The following GTF2IRD1 variants were observed in gnomAD, a reference collection of about 807,000 sequenced individuals.
GTF2IRD1 encodes GTF2I repeat domain containing 1.
In GTF2IRD1, 26 loss-of-function variants were observed where a neutral mutation model predicts 113.2. The observed-to-expected ratio is 0.23, with a 90% CI of 0.17 to 0.32. The LOEUF is 0.32. GTF2IRD1 is among the 10% of genes least tolerant of loss of function. The pLI, the probability that GTF2IRD1 is intolerant of heterozygous loss-of-function variation, is 1.00. For missense variants in GTF2IRD1, 864 were observed against 1,280.8 expected (o/e 0.67, Z 4.97); for synonymous variants, 484 against 529.1 (o/e 0.91, Z 1.17).
chr7:74,533,463 G>C (rs895589993), intron 9 of GTF2IRD1, among the ~76,000 whole-genome samples: 2 of 152,076 alleles, frequency 1.3e-5, no homozygotes, highest in Non-Finnish European at 2.9e-5. Context: ...TGGATGACTT[G>C]GGTCCCTAAA....
At chr7:74,470,934 G>A (rs1300927675) in intron 1 of GTF2IRD1, among the ~76,000 whole-genome samples, 2 of 152,140 alleles carry the variant, frequency 1.3e-5, no homozygotes, top group African/African-American at 4.8e-5. Context: ...CTCCCAAGTA[G>A]CTGGGACAAC....
At chr7:74,588,466 C>G (rs1267574637) in intron 22 of GTF2IRD1, among the ~76,000 whole-genome samples, 1 of 152,034 alleles carries the variant, frequency 6.6e-6, no homozygotes, top group Admixed American at 6.6e-5. Context: ...GTCCTGGTGG[C>G]TTCCCACTGC....
At chr7:74,491,847 A>G (rs1487711381) in intron 1 of GTF2IRD1, among the ~76,000 whole-genome samples, 3 of 152,296 alleles carry the variant, frequency 2.0e-5, no homozygotes, top group East Asian at 3.9e-4. Flanking sequence ...TATACCCAGT[A>G]AGGGATTGCC....
intron 17 of GTF2IRD1, among the ~76,000 whole-genome samples, chr7:74,554,104 T>C (rs1799468112): frequency 6.6e-6 from 1 of 151,988 alleles, no homozygotes; most frequent in African/African-American, 2.4e-5. Context: ...CTCCTCGGAG[T>C]TGCTGCTTGA....
At chr7:74,473,438 T>G (rs1429657693) in intron 1 of GTF2IRD1, among the ~76,000 whole-genome samples, 4 of 151,948 alleles carry the variant, frequency 2.6e-5, no homozygotes, top group Non-Finnish European at 5.9e-5. Flanking sequence ...CTTTTTTTTT[T>G]TTTTGAGAGA....
At chr7:74,478,145 G>A (rs1188330318) in intron 1 of GTF2IRD1, among the ~76,000 whole-genome samples, 21 of 152,204 alleles carry the variant, frequency 1.4e-4, no homozygotes, top group African/African-American at 4.8e-4. Context: ...CGGGTTCCCT[G>A]ACCCCTAGCT....
intron 11 of GTF2IRD1, among the ~76,000 whole-genome samples, chr7:74,536,762 C>T (rs1284988089): frequency 6.6e-6 from 1 of 151,630 alleles, no homozygotes; most frequent in African/African-American, 2.4e-5. Flanking sequence ...GCTGAGATTG[C>T]ACTACTGTAC....
intron 1 of GTF2IRD1, among the ~76,000 whole-genome samples, chr7:74,482,693 C>T (rs768792391): frequency 1.4e-4 from 22 of 152,270 alleles, no homozygotes; most frequent in Middle Eastern, 3.4e-3. Flanking sequence ...TGACCCACCA[C>T]GATAACCGCC....
At chr7:74,508,244 G>A in intron 2 of GTF2IRD1, 41 bp downstream of exon 2, 1 of 1,587,118 alleles carries the variant, frequency 6.3e-7, no homozygotes, top group Non-Finnish European at 8.6e-7. Flanking sequence ...GACAGGGTGA[G>A]CGTCCCCACC....
chr7:74,498,751 T>G (rs539883193), intron 1 of GTF2IRD1, among the ~76,000 whole-genome samples: 2 of 150,622 alleles, frequency 1.3e-5, no homozygotes, highest in East Asian at 3.9e-4. Flanking sequence ...TTAAATAAGA[T>G]GGACTCTCAC....
chr7:74,524,223 A>C (rs777715613), intron 8 of GTF2IRD1, 69 bp downstream of exon 8: 2 of 1,024,048 alleles, frequency 2.0e-6, no homozygotes, highest in African/African-American at 1.6e-5. Context: ...CGTGGCAATC[A>C]CTCGTGTTCC....
At chr7:74,548,387 A>C (rs192759462) in intron 17 of GTF2IRD1, among the ~76,000 whole-genome samples, 1 of 151,200 alleles carries the variant, frequency 6.6e-6, no homozygotes, top group Non-Finnish European at 1.5e-5. Flanking sequence ...GTGCCACTGC[A>C]CTCCAGTCTG....
chr7:74,487,136 C>T (rs781993448), intron 1 of GTF2IRD1, among the ~76,000 whole-genome samples: 2 of 152,170 alleles, frequency 1.3e-5, no homozygotes, highest in Non-Finnish European at 2.9e-5. Context: ...CTCCCAGGTT[C>T]ACATGATTCT....
chr7:74,541,033 G>A (rs1323089228), intron 14 of GTF2IRD1, among the ~76,000 whole-genome samples: 1 of 151,530 alleles, frequency 6.6e-6, no homozygotes, highest in Non-Finnish European at 1.5e-5. Flanking sequence ...CAAAGTGCTG[G>A]GATTACAGGC....
Position 74,578,335 on chromosome 7 carries a change from G to A in GTF2IRD1, c.2321-11516G>A, listed in dbSNP as rs1485578012. Among the ~76,000 whole-genome samples the A allele has an allele frequency of 5.9e-5, 9 of 152,074 alleles. No individual in the cohort carries two copies. In the East Asian group the frequency reaches 9.7e-4, roughly 16 times the overall value. On this transcript the variant is annotated intron_variant, in intron 22 of 26. Transcript: ENST00000424337. The stretch of plus-strand genomic sequence containing the variant: ...CGAGTAGCTGGGACTATAGGTGCCC[G>A]CCACCACGCCCAGCTAATTTTTTGT...
At chr7:74,510,683 C>G (rs1796574212) in intron 2 of GTF2IRD1, among the ~76,000 whole-genome samples, 1 of 152,140 alleles carries the variant, frequency 6.6e-6, no homozygotes, top group East Asian at 1.9e-4. Flanking sequence ...TTTACGTGCT[C>G]AGTAGTCAGA....
At chr7:74,455,994 T>C (rs572159878) in intron 1 of GTF2IRD1, among the ~76,000 whole-genome samples, 63 of 152,236 alleles carry the variant, frequency 4.1e-4, no homozygotes, top group Non-Finnish European at 6.3e-4. Flanking sequence ...TTAAAAGGAC[T>C]GTTCTCTCGA....
At chr7:74,524,195 G>A (rs782801199) in intron 8 of GTF2IRD1, 41 bp downstream of exon 8, 12 of 1,372,506 alleles carry the variant, frequency 8.7e-6, no homozygotes, top group South Asian at 2.4e-5. Flanking sequence ...CCCAGCAGCC[G>A]TGTTGAGCAT....
At chr7:74,577,238 C>T (rs1250184012) in intron 22 of GTF2IRD1, among the ~76,000 whole-genome samples, 3 of 152,122 alleles carry the variant, frequency 2.0e-5, no homozygotes, top group African/African-American at 4.8e-5. Flanking sequence ...GGGATTTCGC[C>T]ATGTTGGCCA....
Sources: allele counts gnomAD v4.1 joint callset (sites outside exome capture counted in the v4.1 genomes callset), GRCh38; gene constraint gnomAD v4.1.1; transcripts MANE v1.5; gene names NCBI Gene and HGNC (gene_info 2026-07-23, HGNC 2026-07-21).